PBX3: variants seen among roughly 807,000 people sequenced by gnomAD.
The protein encoded by PBX3 is PBX homeobox 3, also known as pre-B-cell leukemia transcription factor 3.
A neutral mutation model predicts 48.5 loss-of-function variants in PBX3; 14 were observed. The ratio of observed to expected loss-of-function variants is 0.29; its 90% CI spans 0.19 to 0.45. The LOEUF is 0.45. PBX3 is among the 20% of genes least tolerant of loss of function. The pLI is 1.00. For synonymous variants in PBX3, 210 were observed against 200.3 expected (o/e 1.05, Z -0.41); for missense variants, 386 against 546.7 (o/e 0.71, Z 2.93).
chr9:125,872,656 A>G (rs1170931125), intron 2 of PBX3, among the ~76,000 whole-genome samples: 1 of 152,014 alleles, frequency 6.6e-6, no homozygotes. Context: ...GCTACTCTGG[A>G]GGCTGAGGCA....
chr9:125,831,305 A>G (rs561234811), intron 2 of PBX3, among the ~76,000 whole-genome samples: 1 of 152,330 alleles, frequency 6.6e-6, no homozygotes, highest in African/African-American at 2.4e-5. Flanking sequence ...TTCATTGTAA[A>G]GTTCCCCTTC....
At chr9:125,796,992 A>G (rs187752754) in intron 2 of PBX3, among the ~76,000 whole-genome samples, 3 of 152,188 alleles carry the variant, frequency 2.0e-5, no homozygotes, top group East Asian at 3.9e-4. Context: ...CCTAATTCGT[A>G]TGGTAACCAC....
intron 2 of PBX3, among the ~76,000 whole-genome samples, chr9:125,834,557 C>T (rs929984336): frequency 3.4e-4 from 51 of 151,502 alleles, no homozygotes; most frequent in Admixed American, 2.4e-3. Flanking sequence ...CCACTGCGAC[C>T]GGCTAATTTT....
chr9:125,946,125 T>G (rs1217998323), intron 5 of PBX3, among the ~76,000 whole-genome samples: 1 of 152,188 alleles, frequency 6.6e-6, no homozygotes, highest in African/African-American at 2.4e-5. Flanking sequence ...GGCTACATCT[T>G]AGCAGTGAGT....
chr9:125,820,113 T>C (rs899284234), intron 2 of PBX3, among the ~76,000 whole-genome samples: 1 of 152,204 alleles, frequency 6.6e-6, no homozygotes, highest in East Asian at 1.9e-4. Flanking sequence ...TACTGTGGGA[T>C]TGAAAGAAGC....
At chr9:125,899,552 A>G (rs879866940) in intron 2 of PBX3, among the ~76,000 whole-genome samples, 6 of 150,040 alleles carry the variant, frequency 4.0e-5, no homozygotes, top group Non-Finnish European at 7.4e-5. Flanking sequence ...GGAGTAGAGC[A>G]CAAATCAAAC....
At chr9:125,925,618 A>G (rs912832303) in intron 3 of PBX3, among the ~76,000 whole-genome samples, 3 of 151,986 alleles carry the variant, frequency 2.0e-5, no homozygotes, top group Admixed American at 6.6e-5. Context: ...TGTCCAGCTA[A>G]TTTTTTATAT....
At chr9:125,790,608 A>T (rs999466941) in intron 2 of PBX3, among the ~76,000 whole-genome samples, 1 of 152,000 alleles carries the variant, frequency 6.6e-6, no homozygotes, top group Non-Finnish European at 1.5e-5. Flanking sequence ...CTGTTCTGTC[A>T]CCCAGGCTGG....
At chr9:125,804,917 A>AGATCAGGCTGAGAGCAT (rs879326095) in intron 2 of PBX3, among the ~76,000 whole-genome samples, 2 of 147,152 alleles carry the variant, frequency 1.4e-5, no homozygotes, top group Non-Finnish European at 3.0e-5. Flanking sequence ...ACTGCACTCC[A>AGATCAGGCTGAGAGCAT]GCCTGGGTGA....
At chr9:125,768,120 C>G (rs1475334501) in intron 2 of PBX3, among the ~76,000 whole-genome samples, 3 of 151,156 alleles carry the variant, frequency 2.0e-5, no homozygotes. Flanking sequence ...GATATAAGGT[C>G]CTTGGGGGTG....
At chr9:125,800,766 T>G (rs1160058677) in intron 2 of PBX3, among the ~76,000 whole-genome samples, 1 of 151,486 alleles carries the variant, frequency 6.6e-6, no homozygotes, top group African/African-American at 2.4e-5. Context: ...TTTTTTTTTT[T>G]TTTTGAGACA....
intron 4 of PBX3, among the ~76,000 whole-genome samples, chr9:125,933,395 C>T (rs10987046): frequency 0.07 from 10,707 of 152,184 alleles, 869 homozygotes; most frequent in African/African-American, 0.18. Flanking sequence ...TGAGCTATTC[C>T]GTTTGTTCTC....
At chr9:125,953,938 C>T (rs990596625) in intron 5 of PBX3, among the ~76,000 whole-genome samples, 11 of 152,136 alleles carry the variant, frequency 7.2e-5, no homozygotes, top group South Asian at 4.2e-4. Context: ...CAGGTATGCA[C>T]GGTTTCATGG....
intron 2 of PBX3, among the ~76,000 whole-genome samples, chr9:125,773,775 A>G (rs1424706962): frequency 6.6e-6 from 1 of 152,066 alleles, no homozygotes; most frequent in East Asian, 1.9e-4. Flanking sequence ...ATTTTCCAAA[A>G]TGTGTGTGCC....
intron 3 of PBX3, among the ~76,000 whole-genome samples, chr9:125,916,932 C>G (rs1014575874): frequency 1.3e-5 from 2 of 151,916 alleles, no homozygotes; most frequent in African/African-American, 4.8e-5. Flanking sequence ...AGTTTTGAGG[C>G]CAAAAACAGT....
chr9:125,851,580 A>C (rs995406683), intron 2 of PBX3, among the ~76,000 whole-genome samples: 4 of 152,154 alleles, frequency 2.6e-5, no homozygotes, highest in Admixed American at 2.6e-4. Context: ...TGTTTTGATC[A>C]GAGCTATATA....
At chr9:125,831,004 T>G (rs1838946551) in intron 2 of PBX3, among the ~76,000 whole-genome samples, 1 of 152,204 alleles carries the variant, frequency 6.6e-6, no homozygotes, top group Admixed American at 6.5e-5. Flanking sequence ...CCGTGCAGAT[T>G]CACATTCCTT....
At chr9:125,862,522 G>T (rs1287604058) in intron 2 of PBX3, among the ~76,000 whole-genome samples, 1 of 152,036 alleles carries the variant, frequency 6.6e-6, no homozygotes, top group Non-Finnish European at 1.5e-5. Context: ...AAGTAGCTAG[G>T]ATTGCAGGAG....
At chr9:125,870,447 TG>T (rs1297692021) in intron 2 of PBX3, among the ~76,000 whole-genome samples, 1 of 152,090 alleles carries the variant, frequency 6.6e-6, no homozygotes, top group African/African-American at 2.4e-5. Flanking sequence ...CATATCAGGC[TG>T]GGTGATCTGA....
Sources: gnomAD v4.1 joint callset for allele counts (sites outside exome capture counted in the v4.1 genomes callset) on GRCh38, gnomAD v4.1.1 for gene constraint, MANE v1.5 for transcripts, NCBI Gene and HGNC (gene_info 2026-07-23, HGNC 2026-07-21) for gene names.